The following NOL4 variants were observed in gnomAD, a reference collection of about 807,000 sequenced individuals.
The protein encoded by NOL4 is nucleolar protein 4.
NOL4 carries 17 observed loss-of-function variants against 75.9 expected under a neutral mutation model. That is an observed-to-expected ratio of 0.22 (90% confidence interval 0.15 to 0.34). NOL4 has a LOEUF of 0.34. Ranked by LOEUF, NOL4 falls within the 10% of genes least tolerant of loss-of-function variation. NOL4 has a pLI of 1.00. For synonymous variants in NOL4, 292 were observed against 289.9 expected, an observed-to-expected ratio of 1.01 and a Z score of -0.07; for missense variants, 614 against 793.5, an observed-to-expected ratio of 0.77 and a Z score of 2.72.
intron 6 of NOL4, among the ~76,000 whole-genome samples, chr18:34,000,156 T>C (rs1381101680): frequency 1.3e-5 from 2 of 152,294 alleles, no homozygotes; most frequent in Middle Eastern, 3.4e-3. Context: ...AATAGTCTTG[T>C]AGACTTGTCC....
At chr18:33,977,406 T>C (rs1416059947) in intron 6 of NOL4, among the ~76,000 whole-genome samples, 2 of 152,158 alleles carry the variant, frequency 1.3e-5, no homozygotes, top group Non-Finnish European at 2.9e-5. Flanking sequence ...ATAAGTCTCA[T>C]GAGATCTGAT....
chr18:34,017,578 T>A lies in NOL4; in HGVS notation c.1056+1740A>T, dbSNP rs149866900. Among the ~76,000 whole-genome samples, 318 of 152,322 alleles carry A rather than the reference T, an allele frequency of 2.1e-3. 2 individuals are homozygous for A. Among genetic ancestry groups the A allele is most frequent in the Middle Eastern group, 3.4e-3 (1 of 294 alleles). On this transcript the variant is annotated intron_variant, in intron 6 of 10. Transcript: ENST00000261592. Reference sequence around the variant, plus strand: ...GTATTTGTCCTTCATAGGTGCTAAGTATTTACTATGTTCTTTTTGAAGACA... The same window carrying A: ...GTATTTGTCCTTCATAGGTGCTAAGAATTTACTATGTTCTTTTTGAAGACA...
At chr18:34,123,541 A>ATATATATATATATATATATGGTTCTC (rs2080246985) in intron 2 of NOL4, among the ~76,000 whole-genome samples, 1 of 140,724 alleles carries the variant, frequency 7.1e-6, no homozygotes, top group South Asian at 2.1e-4. Flanking sequence ...CCATATATAT[A>ATATATATATATATATATATGGTTCTC]TATATATATA....
intron 10 of NOL4, 141 bp downstream of exon 10, chr18:33,883,103 G>A: frequency 1.9e-6 from 1 of 534,290 alleles, no homozygotes; most frequent in Non-Finnish European, 3.2e-6. Flanking sequence ...TATCCCTAAT[G>A]CTAGATGATG....
intron 9 of NOL4, among the ~76,000 whole-genome samples, chr18:33,884,284 CTTTT>C (rs1230831717): frequency 6.6e-6 from 1 of 151,866 alleles, no homozygotes; most frequent in Non-Finnish European, 1.5e-5. Flanking sequence ...GTGTCTTTCT[CTTTT>C]TATTATTTTG....
chr18:33,940,590 C>G (rs2068407364), intron 9 of NOL4, among the ~76,000 whole-genome samples: 2 of 151,852 alleles, frequency 1.3e-5, no homozygotes, highest in South Asian at 4.2e-4. Context: ...GGAGAAATAC[C>G]TAATGTAGAT....
At chr18:33,938,210 G>T (rs908687488) in intron 9 of NOL4, among the ~76,000 whole-genome samples, 2 of 152,052 alleles carry the variant, frequency 1.3e-5, no homozygotes, top group African/African-American at 4.8e-5. Context: ...ACATGTAAAT[G>T]AGAATAATAA....
chr18:33,990,240 T>C (rs2072814075), intron 6 of NOL4, among the ~76,000 whole-genome samples: 1 of 152,066 alleles, frequency 6.6e-6, no homozygotes, highest in Admixed American at 6.6e-5. Context: ...GCTATTTTTT[T>C]GTATCTCACA....
At chr18:34,220,299 G>T (rs1258773216) in intron 1 of NOL4, among the ~76,000 whole-genome samples, 1 of 151,800 alleles carries the variant, frequency 6.6e-6, no homozygotes, top group African/African-American at 2.4e-5. Flanking sequence ...TTCCCTTTTC[G>T]CAGTAGTAAT....
At chr18:34,049,246 A>C (rs2144943591) in intron 5 of NOL4, among the ~76,000 whole-genome samples, 1 of 152,026 alleles carries the variant, frequency 6.6e-6, no homozygotes, top group Non-Finnish European at 1.5e-5. Context: ...GAATAATCAC[A>C]ATAACTGCTA....
intron 6 of NOL4, among the ~76,000 whole-genome samples, chr18:33,991,301 A>G (rs993687424): frequency 7.2e-5 from 11 of 152,162 alleles, no homozygotes; most frequent in Non-Finnish European, 1.6e-4. Context: ...TCTCATGTAA[A>G]AATCCACCCA....
chr18:34,071,706 T>C (rs1319768002), intron 5 of NOL4, among the ~76,000 whole-genome samples: 4 of 152,232 alleles, frequency 2.6e-5, no homozygotes, highest in African/African-American at 9.6e-5. Context: ...GTAAGTGTTC[T>C]GAGCACTTTT....
intron 1 of NOL4, among the ~76,000 whole-genome samples, chr18:34,137,596 T>C (rs770188175): frequency 4.7e-4 from 71 of 152,162 alleles, no homozygotes; most frequent in Admixed American, 2.6e-4. Flanking sequence ...CTACTTCACA[T>C]GCACTAGGAT....
rs73957423 is a variant in NOL4 at position 34,077,852 on chromosome 18, A to T, written c.772+15613T>A. 8.1e-3 allele frequency among the ~76,000 whole-genome samples: 1,233 copies of T among 152,254 alleles called. 11 individuals carry two copies. Among genetic ancestry groups the T allele is most frequent in the African/African-American group, 0.027 (1,132 of 41,560 alleles). ...TTCTGTGACCTAAAACAGTTTTCAAATGTGCCAAAATGTTATTTCCCATGG... is the reference window on the plus strand; with the variant it reads ...TTCTGTGACCTAAAACAGTTTTCAATTGTGCCAAAATGTTATTTCCCATGG... On this transcript the variant is annotated intron_variant, in intron 5 of 10. Coordinates refer to ENST00000261592, the MANE Select transcript of NOL4 (RefSeq NM_003787.5).
At chr18:33,889,254 A>C (rs1026785202) in intron 9 of NOL4, among the ~76,000 whole-genome samples, 1 of 152,182 alleles carries the variant, frequency 6.6e-6, no homozygotes, top group Non-Finnish European at 1.5e-5. Flanking sequence ...CTATGCAAAT[A>C]AACTTGAAAA....
At chr18:33,975,714 G>T (rs2145921764) in intron 6 of NOL4, among the ~76,000 whole-genome samples, 1 of 152,326 alleles carries the variant, frequency 6.6e-6, no homozygotes, top group South Asian at 2.1e-4. Flanking sequence ...GGCAGAGGTT[G>T]CAGTCAGCCG....
chr18:34,013,191 T>A (rs985889015), intron 6 of NOL4, among the ~76,000 whole-genome samples: 7 of 151,996 alleles, frequency 4.6e-5, no homozygotes, highest in Non-Finnish European at 8.8e-5. Context: ...AACTGATATA[T>A]CCTTTATCCT....
In NOL4 at chr18:33,943,190, A is replaced by G. The variant is rs574889163; in HGVS notation, c.1429-12T>C. Reference sequence around the variant, plus strand: ...GGAATAGGTCGAGACTAAAAAAAAAAAGAGAAAAGTATGAAAAAAATTATT... The same window carrying G: ...GGAATAGGTCGAGACTAAAAAAAAAGAGAGAAAAGTATGAAAAAAATTATT... On this transcript the variant is annotated splice_polypyrimidine_tract_variant and intron_variant, in intron 8 of 10. Transcript: ENST00000261592. The G allele has an allele frequency of 2.3e-5, 37 of 1,581,438 alleles. No homozygotes were observed. The East Asian group carries it at 3.8e-4, about 16-fold the overall frequency.
At chr18:34,015,533 C>A (rs1287293289) in intron 6 of NOL4, among the ~76,000 whole-genome samples, 1 of 151,978 alleles carries the variant, frequency 6.6e-6, no homozygotes, top group Non-Finnish European at 1.5e-5. Context: ...TGTTTCTCCA[C>A]AAATTCCTTT....
Sources: allele counts gnomAD v4.1 joint callset (sites outside exome capture counted in the v4.1 genomes callset), GRCh38; gene constraint gnomAD v4.1.1; transcripts MANE v1.5; gene names NCBI Gene and HGNC (gene_info 2026-07-23, HGNC 2026-07-21).